Variants in TMX4 observed in about 807,000 individuals in gnomAD.
TMX4 encodes the protein thioredoxin related transmembrane protein 4, also known as thioredoxin-related transmembrane protein 4.
In TMX4, 23 loss-of-function variants were observed where a neutral mutation model predicts 33.3. That is an observed-to-expected ratio of 0.69 (90% CI 0.50 to 0.98). The LOEUF is 0.98. Among genes scored for constraint, TMX4 ranks in the 50% least tolerant of loss-of-function variants. TMX4 has a pLI of 0.00. For missense variants in TMX4, 399 were observed against 448.9 expected (o/e 0.89, Z 1.01); for synonymous variants, 164 against 161.5 (o/e 1.02, Z -0.12).
At chr20:8,014,437 T>A (rs985696832) in intron 1 of TMX4, among the ~76,000 whole-genome samples, 1 of 152,254 alleles carries the variant, frequency 6.6e-6, no homozygotes, top group Non-Finnish European at 1.5e-5. Flanking sequence ...TATTATTCAC[T>A]CATTTACCTA....
chr20:7,987,183 A>C (rs1224522535), intron 6 of TMX4, 105 bp downstream of exon 6: 1 of 817,576 alleles, frequency 1.2e-6, no homozygotes, highest in Admixed American at 3.1e-5. Context: ...CTTAGATTGC[A>C]CAAAATACTA....
intron 3 of TMX4, 112 bp downstream of exon 3, chr20:8,001,384 T>C: frequency 1.8e-6 from 2 of 1,112,426 alleles, no homozygotes; most frequent in Non-Finnish European, 2.6e-6. Context: ...CAGCCTTGTT[T>C]CCCTCACATG....
intron 5 of TMX4, among the ~76,000 whole-genome samples, chr20:7,992,678 G>C (rs1218841911): frequency 6.6e-6 from 1 of 152,090 alleles, no homozygotes; most frequent in Admixed American, 6.5e-5. Context: ...CTCATCACCA[G>C]GTGATCCTAG....
intron 1 of TMX4, among the ~76,000 whole-genome samples, chr20:8,017,175 C>T (rs1425293595): frequency 6.6e-6 from 1 of 151,916 alleles, no homozygotes; most frequent in South Asian, 2.1e-4. Flanking sequence ...AGATAAGAAC[C>T]AAAATATTTC....
intron 5 of TMX4, among the ~76,000 whole-genome samples, chr20:7,994,362 G>C (rs1461310641): frequency 6.6e-6 from 1 of 152,056 alleles, no homozygotes; most frequent in African/African-American, 2.4e-5. Context: ...CATCTGTGTT[G>C]CCCATAGCTG....
At chr20:7,989,676 C>T (rs2050645890) in intron 5 of TMX4, among the ~76,000 whole-genome samples, 1 of 152,152 alleles carries the variant, frequency 6.6e-6, no homozygotes, top group African/African-American at 2.4e-5. Context: ...AAATATTTAT[C>T]TGTCTACTTT....
intron 6 of TMX4, among the ~76,000 whole-genome samples, chr20:7,985,850 A>C (rs1383634803): frequency 6.6e-6 from 1 of 152,168 alleles, no homozygotes; most frequent in Non-Finnish European, 1.5e-5. Flanking sequence ...TAGGTTTCCA[A>C]AGGAATCTAA....
chr20:8,013,641 C>A (rs1296846600), intron 1 of TMX4: 1 of 152,180 alleles, frequency 6.6e-6, no homozygotes, highest in African/African-American at 2.4e-5. Context: ...GACCTTGAAT[C>A]TTTTATTCCA....
intron 2 of TMX4, among the ~76,000 whole-genome samples, chr20:8,003,279 T>C (rs2122870356): frequency 6.6e-6 from 1 of 152,314 alleles, no homozygotes; most frequent in East Asian, 1.9e-4. Context: ...AGAATGTATA[T>C]TTCATTTGTA....
intron 1 of TMX4, chr20:8,018,845 T>G (rs1600151249): frequency 3.9e-6 from 1 of 259,232 alleles, no homozygotes. Flanking sequence ...ACTGTAAAAT[T>G]TAAAAGGCAT....
chr20:7,998,780 G>C (rs2050688452), intron 4 of TMX4, among the ~76,000 whole-genome samples: 2 of 152,124 alleles, frequency 1.3e-5, no homozygotes, highest in Admixed American at 6.5e-5. Context: ...CTATCATTCA[G>C]ATCTCACCTA....
chr20:7,990,925 C>T (rs1457993161), intron 5 of TMX4, among the ~76,000 whole-genome samples: 1 of 152,210 alleles, frequency 6.6e-6, no homozygotes, highest in East Asian at 1.9e-4. Context: ...AGGTACCTTA[C>T]AGATGTGCAC....
Position 7,982,253 on chromosome 20 carries a change from A to G in TMX4, c.1048T>C (p.Ter350GlnextTer2). Residue 350 changes from the stop codon to glutamine (Q), a stop_lost, in exon 8 of 8, where the codon TAG becomes CAG. Coordinates refer to ENST00000246024, the MANE Select transcript of TMX4 (RefSeq NM_021156.4). ...TTCTTGAAAACGCATCATTAAATCT[A>G]CAGTCCCTTGTCAGCATGCTGACTT... Reference protein sequence around the residue: ...RKSQHADKGL* With the variant: ...RKSQHADKGLQ 1 of 1,612,316 alleles carries G rather than the reference A, an allele frequency of 6.2e-7. No homozygotes were observed. The highest frequency in any genetic ancestry group is 8.5e-7 in the Non-Finnish European group (1 of 1,179,018).
intron 1 of TMX4, among the ~76,000 whole-genome samples, 179 bp from the exon 2 acceptor site, chr20:8,010,494 G>A (rs1489309121): frequency 2.0e-5 from 3 of 152,096 alleles, no homozygotes; most frequent in Non-Finnish European, 4.4e-5. Flanking sequence ...AGGATTTAAT[G>A]TATGAATGTC....
chr20:8,011,620 G>A (rs2050753597), intron 1 of TMX4, among the ~76,000 whole-genome samples: 1 of 152,052 alleles, frequency 6.6e-6, no homozygotes, highest in African/African-American at 2.4e-5. Flanking sequence ...CTAGGGGAAG[G>A]AATGCATTTA....
At chr20:7,993,781 G>GCA (rs138693877) in intron 5 of TMX4, among the ~76,000 whole-genome samples, 9,879 of 149,342 alleles carry the variant, frequency 0.066, 708 homozygotes, top group African/African-American at 0.18. Context: ...TTAAGGTAAT[G>GCA]CACACACACA....
At chr20:8,019,057 G>A in intron 1 of TMX4, 2 of 456,320 alleles carry the variant, frequency 4.4e-6, no homozygotes, top group South Asian at 3.2e-5. Context: ...CACACGGTTT[G>A]CTTGCAGATT....
chr20:8,000,119 T>C (rs957417639), intron 3 of TMX4, among the ~76,000 whole-genome samples: 12 of 152,218 alleles, frequency 7.9e-5, no homozygotes, highest in African/African-American at 2.9e-4. Flanking sequence ...TGGCAGTGTT[T>C]AATATGCCAA....
At chr20:8,017,947 G>A (rs954481827) in intron 1 of TMX4, among the ~76,000 whole-genome samples, 2 of 152,036 alleles carry the variant, frequency 1.3e-5, no homozygotes, top group African/African-American at 4.8e-5. Flanking sequence ...TTCATTTGGA[G>A]GTCTAAAATA....
Sources: allele counts gnomAD v4.1 joint callset (sites outside exome capture counted in the v4.1 genomes callset), GRCh38; gene constraint gnomAD v4.1.1; transcripts MANE v1.5; gene names NCBI Gene and HGNC (gene_info 2026-07-23, HGNC 2026-07-21).